The following ASAH2 variants were observed in gnomAD, a reference collection of about 807,000 sequenced individuals.
The protein encoded by ASAH2 is neutral ceramidase.
In ASAH2, 58 loss-of-function variants were observed where a neutral mutation model predicts 82.9. That is an observed-to-expected ratio of 0.70 (90% CI 0.57 to 0.87). ASAH2 has a LOEUF of 0.87. Among genes scored for constraint, ASAH2 ranks in the 40% least tolerant of loss-of-function variants. The probability of loss-of-function intolerance (pLI) is 0.00; values close to 1 mark genes in which losing one functional copy is unlikely to be tolerated. For missense variants in ASAH2, 779 were observed against 834.0 expected (o/e 0.93, Z 0.81); for synonymous variants, 276 against 289.7 (o/e 0.95, Z 0.48).
At chr10:50,193,925 T>C (rs1589317848) in intron 18 of ASAH2, among the ~76,000 whole-genome samples, 1 of 151,096 alleles carries the variant, frequency 6.6e-6, no homozygotes, top group African/African-American at 2.4e-5. Flanking sequence ...ATGATACCAA[T>C]TCCTATAAAG....
chr10:50,223,738 A>G (rs2133216943), intron 7 of ASAH2, among the ~76,000 whole-genome samples: 1 of 152,294 alleles, frequency 6.6e-6, no homozygotes, highest in African/African-American at 2.4e-5. Flanking sequence ...TATTATACTG[A>G]CCGCATGTAG....
intron 14 of ASAH2, 44 bp from the exon 15 acceptor site, chr10:50,203,723 T>C (rs2133201469): frequency 6.4e-7 from 1 of 1,571,372 alleles, no homozygotes; most frequent in Non-Finnish European, 8.8e-7. Context: ...CTACTAGACG[T>C]ATGCAGAGTA....
rs1277988988 is a variant in ASAH2, at chr10:50,235,782, T to C, written c.687+106A>G. 5.5e-6 allele frequency: 7 copies of C among 1,270,000 alleles called. No homozygotes were observed. In the African/African-American group the frequency reaches 1.0e-4, roughly 19 times the overall value. The allele number at this position is 1,270,000 out of a possible 1,614,324, so 78.7% of individuals were successfully genotyped here. On this transcript the variant is annotated intron_variant, in intron 5 of 20. Coordinates refer to ENST00000682911, the MANE Select transcript of ASAH2 (RefSeq NM_019893.4). Reference sequence around the variant, plus strand: ...GAAAGAATTGTACATGCTAATACTATGCTCAGACCCAAATCCTATAGGGAT... The same window carrying C: ...GAAAGAATTGTACATGCTAATACTACGCTCAGACCCAAATCCTATAGGGAT...
chr10:50,234,412 G>C lies in ASAH2; in HGVS notation c.815+13C>G. ...GGGAATGAAACGATTTCATTTTGAC[G>C]ATTCCTCCTCACCTTGCTCTCTCTG... On this transcript the variant is annotated intron_variant, in intron 6 of 20. Transcript: ENST00000682911. The C allele has an allele frequency of 6.2e-7, 1 of 1,612,724 alleles. No homozygotes were observed. The highest frequency in any genetic ancestry group is 8.5e-7 in the Non-Finnish European group (1 of 1,179,038).
intron 7 of ASAH2, 70 bp from the exon 8 acceptor site, chr10:50,218,700 G>C: frequency 1.9e-6 from 3 of 1,581,714 alleles, no homozygotes; most frequent in Non-Finnish European, 2.6e-6. Context: ...CTATGACTGG[G>C]AGCTTAAGTT....
chr10:50,218,360 G>T, intron 8 of ASAH2, 150 bp downstream of exon 8: 1 of 1,132,166 alleles, frequency 8.8e-7, no homozygotes, highest in Non-Finnish European at 1.3e-6. Flanking sequence ...ACATTAGGGA[G>T]GATGGTAAAT....
chr10:50,245,442 T>A lies in ASAH2; in HGVS notation c.140A>T (p.His47Leu), dbSNP rs1846428604. 1 of 1,612,712 alleles carries A rather than the reference T, an allele frequency of 6.2e-7. No homozygotes were observed. Among genetic ancestry groups the A allele is most frequent in the African/African-American group, 1.3e-5 (1 of 74,948 alleles). Residue 47 changes from histidine (H) to leucine (L), a missense_variant, in exon 3 of 21, where the codon CAT (histidine) becomes CTT (leucine). Coordinates refer to ENST00000682911, the MANE Select transcript of ASAH2 (RefSeq NM_019893.4). ...TIENHKDLGG[H>L]FFSTTQSPPA... Reference sequence around the variant, plus strand: ...AGGGCTTTGGGTGGTTGAAAAAAAATGGCCTCCTAAATCTAAAACAGAATA... The same window carrying A: ...AGGGCTTTGGGTGGTTGAAAAAAAAAGGCCTCCTAAATCTAAAACAGAATA...
At position 50,245,416 on chromosome 10, in the gene ASAH2, G is replaced by C. The variant is rs1429431885; in HGVS notation, c.166C>G (p.Pro56Ala). 1 of 1,613,840 alleles carries C rather than the reference G, an allele frequency of 6.2e-7. No homozygotes were observed. Among genetic ancestry groups the C allele is most frequent in the Non-Finnish European group, 8.5e-7 (1 of 1,179,938 alleles). Residue 56 changes from proline (P) to alanine (A), a missense_variant, in exon 3 of 21, where the codon CCA becomes GCA. This residue lies in a region of ASAH2 where 759 missense variants were observed against 755.2 expected (regional missense o/e 1.00). Transcript: ENST00000682911. ...GHFFSTTQSP[P>A]ATQGSTAAQR... ...GCAGCTGTGGAGCCCTGGGTGGCTG[G>C]AGGGCTTTGGGTGGTTGAAAAAAAA...
chr10:50,225,595 A>G (rs993618167), intron 7 of ASAH2, among the ~76,000 whole-genome samples: 2 of 152,174 alleles, frequency 1.3e-5, no homozygotes, highest in African/African-American at 2.4e-5. Context: ...CAACAATTGT[A>G]AAGCATGGTC....
rs1845861991 is a variant in ASAH2, at chr10:50,225,638, A to T, written c.894-7008T>A. ...GATTGGCAAGAGTATGACAAACAACATTCTGCTCAAGTTTGAGTAATGGGA... is the reference window on the plus strand; with the variant it reads ...GATTGGCAAGAGTATGACAAACAACTTTCTGCTCAAGTTTGAGTAATGGGA... On this transcript the variant is annotated intron_variant, in intron 7 of 20. Coordinates refer to ENST00000682911, the MANE Select transcript of ASAH2 (RefSeq NM_019893.4). Among the ~76,000 whole-genome samples, 8 of 152,286 alleles carry T rather than the reference A, an allele frequency of 5.3e-5. 1 individual carries two copies. The South Asian group carries it at 1.7e-3, about 32-fold the overall frequency.
intron 7 of ASAH2, among the ~76,000 whole-genome samples, chr10:50,232,428 G>A (rs1193710576): frequency 6.6e-6 from 1 of 152,074 alleles, no homozygotes; most frequent in African/African-American, 2.4e-5. Context: ...CCATTTGACT[G>A]TAGCACCCAG....
At chr10:50,194,715 CA>C (rs1229772290) in intron 18 of ASAH2, among the ~76,000 whole-genome samples, 2 of 151,026 alleles carry the variant, frequency 1.3e-5, no homozygotes, top group Non-Finnish European at 3.0e-5. Context: ...GTAATCAACA[CA>C]CCATTGGTAC....
chr10:50,240,653 T>C (rs1054122410), intron 4 of ASAH2: 5 of 699,988 alleles, frequency 7.1e-6, no homozygotes, highest in Non-Finnish European at 1.3e-5. Flanking sequence ...TATGTCCTAA[T>C]AGATCTCCTC....
chr10:50,223,958 C>G (rs1004762560), intron 7 of ASAH2, among the ~76,000 whole-genome samples: 2 of 152,240 alleles, frequency 1.3e-5, no homozygotes, highest in African/African-American at 4.8e-5. Context: ...AGGAACCAAC[C>G]CTGCTAATGC....
chr10:50,203,408 C>T (rs994522289), intron 15 of ASAH2, among the ~76,000 whole-genome samples: 7 of 151,914 alleles, frequency 4.6e-5, no homozygotes, highest in African/African-American at 1.7e-4. Context: ...TGTATACAAA[C>T]ATTATCAAAT....
At chr10:50,202,734 C>T in intron 16 of ASAH2, 95 bp downstream of exon 16, 1 of 883,360 alleles carries the variant, frequency 1.1e-6, no homozygotes, top group Non-Finnish European at 1.9e-6. Context: ...CTCTCAGAAA[C>T]ATGACTGGGA....
intron 1 of ASAH2, among the ~76,000 whole-genome samples, chr10:50,249,104 T>C (rs999592986): frequency 1.3e-5 from 2 of 152,232 alleles, no homozygotes; most frequent in Non-Finnish European, 2.9e-5. Context: ...TCTGTGGTCA[T>C]GGACTTAGTA....
At chr10:50,242,911 T>C (rs1012709638) in intron 4 of ASAH2, among the ~76,000 whole-genome samples, 4 of 152,174 alleles carry the variant, frequency 2.6e-5, no homozygotes, top group African/African-American at 9.7e-5. Flanking sequence ...GGAATATATA[T>C]ATAAAAGTCA....
intron 7 of ASAH2, among the ~76,000 whole-genome samples, chr10:50,220,192 C>T (rs1317168860): frequency 6.6e-6 from 1 of 152,010 alleles, no homozygotes; most frequent in Non-Finnish European, 1.5e-5. Flanking sequence ...GGTGTCAGAT[C>T]ATATTAAGAA....
Sources: allele counts gnomAD v4.1 joint callset (sites outside exome capture counted in the v4.1 genomes callset), GRCh38; gene constraint gnomAD v4.1.1; regional missense constraint gnomAD v4.1.1; transcripts MANE v1.5; gene names NCBI Gene and HGNC (gene_info 2026-07-23, HGNC 2026-07-21).